The following CNTN5 variants were observed in gnomAD, a reference collection of about 807,000 sequenced individuals.
CNTN5 encodes the protein contactin-5.
In CNTN5, 77 loss-of-function variants were observed where a neutral mutation model predicts 129.1. The ratio of observed to expected loss-of-function variants is 0.60; its 90% CI spans 0.50 to 0.72. The LOEUF is 0.72. CNTN5 is among the 30% of genes least tolerant of loss of function. The probability of loss-of-function intolerance (pLI) is 0.00; values close to 1 mark genes in which losing one functional copy is unlikely to be tolerated. For synonymous variants in CNTN5, 509 were observed against 465.6 expected, an observed-to-expected ratio of 1.09 and a Z score of -1.20; for missense variants, 1,478 against 1,328.8, an observed-to-expected ratio of 1.11 and a Z score of -1.75.
chr11:100,304,957 A>G (rs957351362), intron 20 of CNTN5, among the ~76,000 whole-genome samples: 1 of 151,248 alleles, frequency 6.6e-6, no homozygotes, highest in African/African-American at 2.4e-5. Flanking sequence ...CCCCACATCT[A>G]TTTTGCCTCT....
intron 2 of CNTN5, among the ~76,000 whole-genome samples, chr11:99,394,691 C>G (rs1246047392): frequency 6.6e-6 from 1 of 151,586 alleles, no homozygotes; most frequent in Non-Finnish European, 1.5e-5. Context: ...CGTTTCCTTT[C>G]TCTCACCCTT....
chr11:100,267,032 A>G (rs186898015), intron 17 of CNTN5, among the ~76,000 whole-genome samples: 111 of 152,258 alleles, frequency 7.3e-4, no homozygotes, highest in African/African-American at 1.9e-3. Flanking sequence ...AGTAAATTAT[A>G]TAGTATCTTA....
chr11:99,850,616 AT>A (rs768466070), intron 6 of CNTN5, among the ~76,000 whole-genome samples: 5 of 151,596 alleles, frequency 3.3e-5, no homozygotes, highest in South Asian at 4.2e-4. Flanking sequence ...TCGAAAGGTG[AT>A]TTTTTTTTAC....
At chr11:99,402,428 T>A (rs911917273) in intron 2 of CNTN5, among the ~76,000 whole-genome samples, 1 of 152,214 alleles carries the variant, frequency 6.6e-6, no homozygotes, top group Non-Finnish European at 1.5e-5. Context: ...TTCTGCTTGA[T>A]CATAATGAAC....
intron 1 of CNTN5, among the ~76,000 whole-genome samples, chr11:99,213,395 TATATATACAC>T (rs529687785): frequency 5.8e-5 from 8 of 138,546 alleles, no homozygotes; most frequent in African/African-American, 8.6e-5. Flanking sequence ...TATACACGTG[TATATATACAC>T]ATATATGTAT....
At chr11:99,937,242 G>A (rs1223466785) in intron 7 of CNTN5, among the ~76,000 whole-genome samples, 2 of 152,218 alleles carry the variant, frequency 1.3e-5, no homozygotes, top group African/African-American at 4.8e-5. Context: ...ATGATGGGGA[G>A]ACGAAAGTCA....
chr11:99,042,474 C>T (rs1018340897), intron 1 of CNTN5, among the ~76,000 whole-genome samples: 1 of 144,506 alleles, frequency 6.9e-6, no homozygotes, highest in Admixed American at 7.3e-5. Flanking sequence ...CTCCTGGGTT[C>T]ACACCATTCT....
chr11:99,168,129 C>T (rs1199040493), intron 1 of CNTN5, among the ~76,000 whole-genome samples: 4 of 151,946 alleles, frequency 2.6e-5, no homozygotes, highest in Middle Eastern at 3.2e-3. Context: ...TTTTTTGTAG[C>T]GACAGACTTC....
At chr11:99,551,016 A>G (rs1324457216) in intron 2 of CNTN5, among the ~76,000 whole-genome samples, 1 of 152,196 alleles carries the variant, frequency 6.6e-6, no homozygotes, top group Admixed American at 6.5e-5. Flanking sequence ...TAATGTACGT[A>G]TGAAATAACT....
At chr11:99,349,682 C>A (rs10736536) in intron 2 of CNTN5, among the ~76,000 whole-genome samples, 121,650 of 152,090 alleles carry the variant, frequency 0.8, 49,490 homozygotes, top group East Asian at 1. Context: ...TCCTTGTGAA[C>A]TAAACTTTTA....
chr11:99,911,607 T>C (rs554068305), intron 6 of CNTN5, among the ~76,000 whole-genome samples: 2 of 152,092 alleles, frequency 1.3e-5, no homozygotes, highest in African/African-American at 2.4e-5. Context: ...TTTGATAGTT[T>C]CAGGTACTCT....
At chr11:99,187,103 C>G (rs970610189) in intron 1 of CNTN5, among the ~76,000 whole-genome samples, 3 of 151,868 alleles carry the variant, frequency 2.0e-5, no homozygotes, top group Admixed American at 6.6e-5. Flanking sequence ...TCTCACCAGG[C>G]TTTCTCTCCA....
chr11:99,553,700 C>A (rs966916823), intron 2 of CNTN5, among the ~76,000 whole-genome samples: 1 of 151,522 alleles, frequency 6.6e-6, no homozygotes, highest in East Asian at 1.9e-4. Flanking sequence ...ATTTTATATA[C>A]ATATCAAAGC....
intron 2 of CNTN5, among the ~76,000 whole-genome samples, chr11:99,330,584 TA>T (rs759447120): frequency 7.2e-4 from 109 of 152,214 alleles, no homozygotes; most frequent in Non-Finnish European, 1.3e-3. Context: ...AAACACCTGT[TA>T]GCAGGATTCA....
chr11:99,963,113 G>A (rs1487707825), intron 8 of CNTN5, among the ~76,000 whole-genome samples: 1 of 152,172 alleles, frequency 6.6e-6, no homozygotes. Context: ...TAGGTTGCCT[G>A]TTCAATCTGA....
At chr11:99,806,039 C>A (rs1017109602) in intron 3 of CNTN5, among the ~76,000 whole-genome samples, 3 of 152,136 alleles carry the variant, frequency 2.0e-5, no homozygotes, top group Non-Finnish European at 4.4e-5. Context: ...AGCATTGTGT[C>A]TTTATTGTAA....
intron 8 of CNTN5, 128 bp from the exon 9 acceptor site, chr11:100,001,906 A>G: frequency 1.5e-6 from 1 of 667,626 alleles, no homozygotes; most frequent in Non-Finnish European, 2.5e-6. Context: ...CAATACATCG[A>G]AAAATTTAAC....
At chr11:100,184,149 TTTTAACA>T (rs1311510447) in intron 13 of CNTN5, among the ~76,000 whole-genome samples, 1 of 152,202 alleles carries the variant, frequency 6.6e-6, no homozygotes, top group East Asian at 1.9e-4. Flanking sequence ...ACTATTTCCT[TTTTAACA>T]TTTATCACAC....
intron 21 of CNTN5, among the ~76,000 whole-genome samples, chr11:100,313,974 C>T (rs1399198270): frequency 6.6e-6 from 1 of 152,116 alleles, no homozygotes; most frequent in Non-Finnish European, 1.5e-5. Flanking sequence ...TTGGTGATAA[C>T]TTCCACAATC....
Sources: allele counts gnomAD v4.1 joint callset (sites outside exome capture counted in the v4.1 genomes callset), GRCh38; gene constraint gnomAD v4.1.1; transcripts MANE v1.5; gene names NCBI Gene and HGNC (gene_info 2026-07-23, HGNC 2026-07-21).